The following TTC7A variants were observed in gnomAD, a reference collection of about 807,000 sequenced individuals.
The protein encoded by TTC7A is tetratricopeptide repeat domain 7A.
Under a neutral mutation model 103.7 loss-of-function variants are expected in TTC7A, and 110 were observed. The observed-to-expected ratio is 1.06, with a 90% confidence interval of 0.91 to 1.24. The LOEUF (loss-of-function observed/expected upper bound fraction) is 1.24, where lower values mean the gene tolerates loss of function less well. TTC7A is among the 50% of genes most tolerant of loss of function. TTC7A has a pLI of 0.00. For synonymous variants in TTC7A, 521 were observed against 467.9 expected (o/e 1.11, Z -1.47); for missense variants, 1,340 against 1,116.3 (o/e 1.20, Z -2.86).
In TTC7A at chr2:47,021,694, A is replaced by G. The variant is rs7565682; in HGVS notation, c.1393-168A>G. ...TGGGTTCATGCTCTCAGCAGAACAA[A>G]ATTTGGGGAGCTGGGATCTCTGGGG... On this transcript the variant is annotated intron_variant, in intron 11 of 19. Coordinates refer to ENST00000319190, the MANE Select transcript of TTC7A (RefSeq NM_020458.4). 0.12 allele frequency among the ~76,000 whole-genome samples: 17,943 copies of G among 152,228 alleles called. 1,288 individuals are homozygous for G. The highest frequency in any genetic ancestry group is 0.2 in the African/African-American group (8,204 of 41,536).
chr2:46,975,011 C>A lies in TTC7A; in HGVS notation c.556C>A (p.Arg186Ser). 6.2e-7 allele frequency: 1 copy of A among 1,614,040 alleles called. No homozygotes were observed. The highest frequency in any genetic ancestry group is 8.5e-7 in the Non-Finnish European group (1 of 1,179,938). The change falls in exon 4 of 20, where the codon CGC (arginine) becomes AGC (serine). Residue 186 changes from arginine to serine, a missense_variant. Transcript: ENST00000319190. ...LERLPNSIAS[R>S]FRLTEREEEV... ...ACGCCTACCCAACTCCATCGCCTCC[C>A]GCTTCCGCCTGACAGAGAGGGAGGA... is the stretch of plus-strand genomic sequence containing the variant.
upstream of TTC7A, among the ~76,000 whole-genome samples, chr2:46,937,302 C>T (rs1670028156): frequency 6.6e-6 from 1 of 152,172 alleles, no homozygotes; most frequent in Admixed American, 6.5e-5. The surrounding 1 kb of genome is among the most constrained non-coding windows in gnomAD (Gnocchi z 4.0). Context: ...CTCCATCTCC[C>T]TCTGCCCTTT....
intron 11 of TTC7A, among the ~76,000 whole-genome samples, chr2:47,017,717 A>C (rs1678824849): frequency 6.6e-6 from 1 of 152,008 alleles, no homozygotes; most frequent in Non-Finnish European, 1.5e-5. Flanking sequence ...GCTCATGTAG[A>C]GTCACTCCTC....
At chr2:47,053,897 C>A (rs563173118) in intron 18 of TTC7A, among the ~76,000 whole-genome samples, 1 of 152,286 alleles carries the variant, frequency 6.6e-6, no homozygotes, top group African/African-American at 2.4e-5. Flanking sequence ...TTGTTTACTA[C>A]CATCATCACA....
At chr2:47,062,905 C>A (rs1251800584) in intron 19 of TTC7A, among the ~76,000 whole-genome samples, 1 of 152,216 alleles carries the variant, frequency 6.6e-6, no homozygotes, top group Non-Finnish European at 1.5e-5. Context: ...CAGGCCTGCC[C>A]TCTTTTAAAG....
In TTC7A at chr2:47,038,100, T is replaced by TA. The variant is rs200346317; in HGVS notation, c.1803-8206dup. Among the ~76,000 whole-genome samples, 63 of 150,014 alleles carry TA rather than the reference T, an allele frequency of 4.2e-4. 1 individual carries two copies. In the East Asian group the frequency reaches 8.8e-3, roughly 21 times the overall value. On this transcript the variant is annotated intron_variant, in intron 15 of 19. Transcript: ENST00000319190. Reference sequence around the variant, plus strand: ...ACCCCATCTGTACTAAAAATAAATTTAAAAAAAAATAAGCCAGGCGTGGTG... The same window carrying TA: ...ACCCCATCTGTACTAAAAATAAATTTAAAAAAAAAATAAGCCAGGCGTGGTG...
rs1674133702 is a variant in TTC7A at position 46,978,803 on chromosome 2, C to T, written c.660C>T (p.Asn220=). 1.9e-6 allele frequency: 3 copies of T among 1,613,848 alleles called. No individual in the cohort carries two copies. Among genetic ancestry groups the T allele is most frequent in the Non-Finnish European group, 2.5e-6 (3 of 1,179,824 alleles). Residue 220 remains asparagine (N), a synonymous_variant, in exon 5 of 20, where the codon AAC becomes AAT. Transcript: ENST00000319190. ...FLQELEKTTN[N]STSRHLKGCH... The stretch of plus-strand genomic sequence containing the variant: ...GTTTCCCTTCCCAGACCACAAATAA[C>T]AGCACGTCGAGGCATCTGAAAGGCT...
chr2:47,053,334 C>G (rs1212815762), intron 18 of TTC7A, among the ~76,000 whole-genome samples: 4 of 149,310 alleles, frequency 2.7e-5, no homozygotes, highest in African/African-American at 9.8e-5. Flanking sequence ...AAAATAATGA[C>G]TTCCAACTTC....
At chr2:47,019,361 C>G (rs554255604) in intron 11 of TTC7A, among the ~76,000 whole-genome samples, 1 of 151,622 alleles carries the variant, frequency 6.6e-6, no homozygotes, top group Non-Finnish European at 1.5e-5. Context: ...AGTGAGACAC[C>G]ATTTTCTATT....
intron 3 of TTC7A, among the ~76,000 whole-genome samples, chr2:46,958,791 G>A (rs929869943): frequency 1.3e-5 from 2 of 152,192 alleles, no homozygotes; most frequent in African/African-American, 2.4e-5. Flanking sequence ...GCCTGGGTTT[G>A]GGGGATCCGG....
At chr2:47,030,861 A>G (rs1239392188) in intron 15 of TTC7A, among the ~76,000 whole-genome samples, 1 of 152,184 alleles carries the variant, frequency 6.6e-6, no homozygotes, top group East Asian at 1.9e-4. Flanking sequence ...AGAGACTACT[A>G]AAGGCCAGGC....
intron 8 of TTC7A, among the ~76,000 whole-genome samples, chr2:47,000,550 A>G (rs11125110): frequency 0.8 from 121,716 of 152,152 alleles, 49,295 homozygotes; most frequent in African/African-American, 0.92. Context: ...GGGTGGATGG[A>G]ACATGTCACA....
At chr2:46,946,560 A>G (rs1017715232) in intron 1 of TTC7A, among the ~76,000 whole-genome samples, 1 of 151,916 alleles carries the variant, frequency 6.6e-6, no homozygotes, top group Non-Finnish European at 1.5e-5. Flanking sequence ...AGTAGCTGGG[A>G]CTCTAGGCGT....
At chr2:46,923,080 C>T (rs1163129402) in intron 2 of TTC7A, among the ~76,000 whole-genome samples, 1 of 152,190 alleles carries the variant, frequency 6.6e-6, no homozygotes, top group African/African-American at 2.4e-5. Context: ...TGCTTCTGTC[C>T]CCATGGAGTT....
At chr2:46,996,573 G>C (rs1676208796) in intron 8 of TTC7A, among the ~76,000 whole-genome samples, 1 of 152,216 alleles carries the variant, frequency 6.6e-6, no homozygotes, top group African/African-American at 2.4e-5. Flanking sequence ...ATTGCATCCT[G>C]CCTCAGCTGG....
intron 1 of TTC7A, among the ~76,000 whole-genome samples, chr2:46,947,482 G>A (rs2103944893): frequency 6.6e-6 from 1 of 152,266 alleles, no homozygotes; most frequent in East Asian, 1.9e-4. Context: ...TTGGGAGGCC[G>A]AGGCAGGCAG....
chr2:46,973,750 T>A (rs1443803672), intron 3 of TTC7A, among the ~76,000 whole-genome samples: 4 of 152,122 alleles, frequency 2.6e-5, no homozygotes, highest in Non-Finnish European at 5.9e-5. Flanking sequence ...CTGCACAGAA[T>A]GAAGTCCCAG....
Position 47,006,092 on chromosome 2 carries a change from C to T in TTC7A, c.1203+33C>T, listed in dbSNP as rs114406550. On this transcript the variant is annotated intron_variant, in intron 9 of 19. Transcript: ENST00000319190. ...CGGCCATGCAGCCCACCCCACTCTC[C>T]GGAGTCAGGTGGTCTGTAAAGGAAA... 2,293 of 1,604,850 alleles carry T rather than the reference C, an allele frequency of 1.4e-3. 31 individuals carry two copies. The African/African-American group carries it at 0.026, about 18-fold the overall frequency.
intron 11 of TTC7A, among the ~76,000 whole-genome samples, chr2:47,014,286 C>G (rs1402541839): frequency 6.6e-6 from 1 of 152,208 alleles, no homozygotes; most frequent in Non-Finnish European, 1.5e-5. Context: ...AAGCGACACA[C>G]ATCCCAACCT....
Sources: allele counts gnomAD v4.1 joint callset (sites outside exome capture counted in the v4.1 genomes callset), GRCh38; gene constraint gnomAD v4.1.1; non-coding constraint Gnocchi (gnomAD v3.1); transcripts MANE v1.5; gene names NCBI Gene and HGNC (gene_info 2026-07-23, HGNC 2026-07-21).